The following SEMA6D variants were observed in gnomAD, a reference collection of about 807,000 sequenced individuals.
The protein encoded by SEMA6D is semaphorin 6D, also known as semaphorin-6D.
In SEMA6D, 35 loss-of-function variants were observed where a neutral mutation model predicts 106.6. The observed-to-expected ratio is 0.33, with a 90% CI of 0.25 to 0.44. SEMA6D has a LOEUF of 0.44. Ranked by LOEUF, SEMA6D falls within the 20% of genes least tolerant of loss-of-function variation. The pLI is 1.00. For synonymous variants in SEMA6D, 499 were observed against 487.7 expected (o/e 1.02, Z -0.31); for missense variants, 1,185 against 1,345.9 (o/e 0.88, Z 1.87).
intron 1 of SEMA6D, among the ~76,000 whole-genome samples, chr15:47,186,737 A>G (rs992014222): frequency 4.6e-5 from 7 of 152,286 alleles, no homozygotes; most frequent in East Asian, 1.9e-4. Flanking sequence ...ATTCACAGCT[A>G]TGTATAAACT....
intron 2 of SEMA6D, among the ~76,000 whole-genome samples, chr15:47,442,227 T>C (rs1214412819): frequency 6.6e-6 from 1 of 152,138 alleles, no homozygotes; most frequent in African/African-American, 2.4e-5. Context: ...GAGTCCCCAC[T>C]ATTTCCAAGA....
chr15:47,314,639 G>A (rs1425447863), intron 1 of SEMA6D, among the ~76,000 whole-genome samples: 2 of 148,526 alleles, frequency 1.3e-5, no homozygotes, highest in Non-Finnish European at 3.0e-5. Context: ...TATATTTTGG[G>A]TAACAGGGTA....
intron 1 of SEMA6D, among the ~76,000 whole-genome samples, chr15:47,244,443 T>C (rs1460160900): frequency 2.0e-5 from 3 of 152,202 alleles, no homozygotes; most frequent in Admixed American, 2.0e-4. Flanking sequence ...TTCTTGATTA[T>C]AAGCATGTGT....
intron 4 of SEMA6D, among the ~76,000 whole-genome samples, chr15:47,605,873 T>G (rs1479037413): frequency 6.6e-6 from 1 of 152,114 alleles, no homozygotes; most frequent in African/African-American, 2.4e-5. Flanking sequence ...GTTTAGGGGC[T>G]TTTTTGGAGG....
At chr15:47,328,494 G>A (rs2037218301) in intron 1 of SEMA6D, among the ~76,000 whole-genome samples, 1 of 152,190 alleles carries the variant, frequency 6.6e-6, no homozygotes, top group African/African-American at 2.4e-5. Context: ...AAGGCATAAA[G>A]GTGCAATTCC....
At chr15:47,439,161 A>G (rs979250958) in intron 2 of SEMA6D, among the ~76,000 whole-genome samples, 15 of 152,132 alleles carry the variant, frequency 9.9e-5, no homozygotes, top group African/African-American at 3.6e-4. Flanking sequence ...TTATAATTAG[A>G]GCATGTTGCC....
chr15:47,346,209 A>T (rs569935), intron 1 of SEMA6D, among the ~76,000 whole-genome samples: 80,971 of 151,964 alleles, frequency 0.53, 24,687 homozygotes, highest in African/African-American at 0.85. Flanking sequence ...GGGTTACGTT[A>T]ATGTCTCCTA....
At chr15:47,230,679 C>T (rs963994318) in intron 1 of SEMA6D, among the ~76,000 whole-genome samples, 4 of 152,000 alleles carry the variant, frequency 2.6e-5, no homozygotes, top group African/African-American at 9.7e-5. Context: ...CAGCAACTGT[C>T]GGCCACACCT....
At chr15:47,689,793 G>A (rs2078545829) in intron 4 of SEMA6D, among the ~76,000 whole-genome samples, 1 of 152,214 alleles carries the variant, frequency 6.6e-6, no homozygotes, top group South Asian at 2.1e-4. Flanking sequence ...CCCTTCTTCT[G>A]GGCATGTCTC....
At chr15:47,520,404 T>C (rs2044535100) in intron 3 of SEMA6D, among the ~76,000 whole-genome samples, 1 of 152,168 alleles carries the variant, frequency 6.6e-6, no homozygotes, top group Admixed American at 6.5e-5. Flanking sequence ...TCTTTTTTTT[T>C]CTTCACCACA....
intron 1 of SEMA6D, among the ~76,000 whole-genome samples, chr15:47,271,672 G>A (rs1303679714): frequency 6.6e-6 from 1 of 152,060 alleles, no homozygotes; most frequent in Non-Finnish European, 1.5e-5. Flanking sequence ...TGGTGGCAAA[G>A]GTCAGTTGTT....
At chr15:47,412,276 A>G (rs772861627) in intron 1 of SEMA6D, 1 of 152,512 alleles carries the variant, frequency 6.6e-6, no homozygotes, top group Non-Finnish European at 1.5e-5. Context: ...AGGTCTTATC[A>G]TTAAAGCAGC....
chr15:47,473,196 C>T (rs1175021088), intron 3 of SEMA6D, among the ~76,000 whole-genome samples: 1 of 152,164 alleles, frequency 6.6e-6, no homozygotes, highest in East Asian at 1.9e-4. Context: ...GGCAGCCTCA[C>T]CCTCACTTCA....
chr15:47,511,469 C>A (rs1034425292), intron 3 of SEMA6D, among the ~76,000 whole-genome samples: 1 of 152,188 alleles, frequency 6.6e-6, no homozygotes, highest in Non-Finnish European at 1.5e-5. Context: ...AGTATAACCT[C>A]TATTGGATCC....
upstream of SEMA6D, among the ~76,000 whole-genome samples, chr15:47,716,384 T>A (rs1292378047): frequency 6.6e-6 from 1 of 152,184 alleles, no homozygotes; most frequent in African/African-American, 2.4e-5. Context: ...TTTTCCTAAA[T>A]GTAAACATGT....
intron 17 of SEMA6D, 57 bp from the exon 18 acceptor site, chr15:47,768,524 C>A: frequency 3.6e-6 from 5 of 1,376,146 alleles, no homozygotes; most frequent in South Asian, 3.5e-5. Context: ...TGCAACAGAC[C>A]AATCAAAAAA....
chr15:47,476,545 T>G lies in SEMA6D; in HGVS notation c.-87+6000T>G, dbSNP rs548867406. Among the ~76,000 whole-genome samples the G allele has an allele frequency of 2.0e-5, 3 of 152,168 alleles. No individual in the cohort carries two copies. The South Asian group carries it at 6.2e-4, about 32-fold the overall frequency. ...AGAAATGGCTTAAAATTATGTAGTA[T>G]TTCTTTCACTTATCCATGATCCACT... On this transcript the variant is annotated intron_variant, in intron 3 of 19. Coordinates refer to the SEMA6D transcript ENST00000558014.
chr15:47,391,659 A>ATT (rs36039887), intron 1 of SEMA6D, among the ~76,000 whole-genome samples: 19,369 of 146,024 alleles, frequency 0.13, 3,254 homozygotes, highest in African/African-American at 0.39. Context: ...ACAACTATTG[A>ATT]TTTTTTTTTT....
chr15:47,439,215 G>C (rs972985509), intron 2 of SEMA6D, among the ~76,000 whole-genome samples: 2 of 152,102 alleles, frequency 1.3e-5, no homozygotes, highest in African/African-American at 4.8e-5. Flanking sequence ...CATTAGCAAT[G>C]TTTTATTTTT....
Sources: gnomAD v4.1 joint callset for allele counts (sites outside exome capture counted in the v4.1 genomes callset) on GRCh38, gnomAD v4.1.1 for gene constraint, MANE v1.5 for transcripts, NCBI Gene and HGNC (gene_info 2026-07-23, HGNC 2026-07-21) for gene names.